Variants in CDC42BPA observed in about 807,000 individuals in gnomAD.
CDC42BPA encodes the protein serine/threonine-protein kinase MRCK alpha.
Under a neutral mutation model 223.5 loss-of-function variants are expected in CDC42BPA, and 80 were observed. The ratio of observed to expected loss-of-function variants is 0.36; its 90% confidence interval spans 0.30 to 0.43. The LOEUF (loss-of-function observed/expected upper bound fraction) is 0.43, where lower values mean the gene tolerates loss of function less well. Among genes scored for constraint, CDC42BPA ranks in the 20% least tolerant of loss-of-function variants. The pLI is 1.00. For synonymous variants in CDC42BPA, 694 were observed against 718.6 expected, an observed-to-expected ratio of 0.97 and a Z score of 0.55; for missense variants, 1,743 against 2,099.9, an observed-to-expected ratio of 0.83 and a Z score of 3.32.
intron 11 of CDC42BPA, among the ~76,000 whole-genome samples, chr1:227,121,046 C>A (rs1455911310): frequency 6.6e-6 from 1 of 152,136 alleles, no homozygotes; most frequent in Non-Finnish European, 1.5e-5. Flanking sequence ...GGAGCTCAGG[C>A]GCTAATGCTC....
At chr1:227,280,622 C>A (rs1687860488) in intron 1 of CDC42BPA, among the ~76,000 whole-genome samples, 1 of 152,192 alleles carries the variant, frequency 6.6e-6, no homozygotes, top group Admixed American at 6.5e-5. Context: ...GATACAGATA[C>A]CACAGTTTGA....
At chr1:227,099,999 T>C (rs1042698838) in intron 15 of CDC42BPA, among the ~76,000 whole-genome samples, 1 of 152,134 alleles carries the variant, frequency 6.6e-6, no homozygotes, top group Non-Finnish European at 1.5e-5. Context: ...ATATGGTAGG[T>C]TAAAAAATAT....
At chr1:227,236,704 C>G (rs1357992499) in intron 2 of CDC42BPA, among the ~76,000 whole-genome samples, 1 of 152,112 alleles carries the variant, frequency 6.6e-6, no homozygotes, top group African/African-American at 2.4e-5. Context: ...CCTGCCCCTA[C>G]AGCCCTACCC....
At chr1:227,141,039 G>A (rs1029820403) in intron 9 of CDC42BPA, among the ~76,000 whole-genome samples, 1 of 152,216 alleles carries the variant, frequency 6.6e-6, no homozygotes, top group African/African-American at 2.4e-5. Context: ...GAAGACAGGA[G>A]AAGGTGGTAT....
chr1:227,303,783 T>C (rs545216543), intron 1 of CDC42BPA, among the ~76,000 whole-genome samples: 1 of 152,202 alleles, frequency 6.6e-6, no homozygotes, highest in Non-Finnish European at 1.5e-5. Flanking sequence ...TAGTCTCTTC[T>C]ACCACTCTTA....
intron 5 of CDC42BPA, among the ~76,000 whole-genome samples, chr1:227,192,808 C>CA (rs11389466): frequency 0.2 from 30,496 of 151,594 alleles, 3,152 homozygotes; most frequent in Middle Eastern, 0.26. Flanking sequence ...CACTTTCATA[C>CA]AAAAAAAATC....
At chr1:227,138,123 T>A (rs1033697735) in intron 10 of CDC42BPA, among the ~76,000 whole-genome samples, 1 of 152,104 alleles carries the variant, frequency 6.6e-6, no homozygotes, top group Non-Finnish European at 1.5e-5. Flanking sequence ...GTCCATTCTA[T>A]TGATGTCTAC....
At chr1:227,305,553 T>C (rs1692393086) in intron 1 of CDC42BPA, among the ~76,000 whole-genome samples, 1 of 152,258 alleles carries the variant, frequency 6.6e-6, no homozygotes, top group Non-Finnish European at 1.5e-5. Flanking sequence ...CCTTTAGATG[T>C]CATTCTTATT....
rs183238687 is a variant in CDC42BPA, at chr1:227,231,418, T to C, written c.271-18199A>G. Among the ~76,000 whole-genome samples the C allele has an allele frequency of 2.4e-3, 360 of 152,240 alleles. 1 individual carries two copies. Among genetic ancestry groups the C allele is most frequent in the Non-Finnish European group, 3.6e-3 (244 of 68,028 alleles). On this transcript the variant is annotated intron_variant, in intron 2 of 36. Coordinates refer to ENST00000366766, the MANE Select transcript of CDC42BPA (RefSeq NM_001394014.1). The stretch of plus-strand genomic sequence containing the variant: ...TTGGGTTGGCTCCAAGTCTTTGCTA[T>C]TGTGAATAGTGCCACAATAAACATA...
chr1:227,315,929 A>G (rs1256273531), intron 1 of CDC42BPA, among the ~76,000 whole-genome samples: 2 of 149,910 alleles, frequency 1.3e-5, no homozygotes, highest in African/African-American at 4.9e-5. Flanking sequence ...TTACCTGAGA[A>G]ACTAACTTTG....
intron 2 of CDC42BPA, among the ~76,000 whole-genome samples, chr1:227,231,262 C>T (rs1432787352): frequency 6.6e-6 from 1 of 151,768 alleles, no homozygotes; most frequent in Non-Finnish European, 1.5e-5. Flanking sequence ...CAATAATTTG[C>T]TCAGAATAAT....
intron 3 of CDC42BPA, among the ~76,000 whole-genome samples, chr1:227,205,508 A>G (rs1672567716): frequency 8.5e-6 from 1 of 117,376 alleles, no homozygotes; most frequent in Admixed American, 9.1e-5. Context: ...CTAATGATCT[A>G]CTTAAGACAG....
intron 1 of CDC42BPA, among the ~76,000 whole-genome samples, chr1:227,309,899 T>C (rs1693215323): frequency 6.6e-6 from 1 of 152,200 alleles, no homozygotes; most frequent in Non-Finnish European, 1.5e-5. Context: ...ACCAACAGCA[T>C]CACTCATGTT....
At chr1:227,041,806 C>T (rs1489192957) in intron 23 of CDC42BPA, among the ~76,000 whole-genome samples, 2 of 152,138 alleles carry the variant, frequency 1.3e-5, no homozygotes, top group Admixed American at 1.3e-4. Context: ...CTAAGTAGAA[C>T]ACAGTCTATC....
chr1:227,042,541 C>G (rs1415696927), intron 23 of CDC42BPA, among the ~76,000 whole-genome samples: 1 of 151,974 alleles, frequency 6.6e-6, no homozygotes, highest in African/African-American at 2.4e-5. Context: ...TATAACATAA[C>G]ATAATTAAAG....
chr1:227,228,909 C>T (rs1019460633), intron 2 of CDC42BPA, among the ~76,000 whole-genome samples: 2 of 152,174 alleles, frequency 1.3e-5, no homozygotes, highest in African/African-American at 4.8e-5. Flanking sequence ...GTTCTTTTAA[C>T]ACAGACACTG....
intron 1 of CDC42BPA, among the ~76,000 whole-genome samples, chr1:227,283,610 G>C (rs1219876063): frequency 6.6e-6 from 1 of 152,048 alleles, no homozygotes; most frequent in Admixed American, 6.5e-5. Context: ...AAAAAAACTC[G>C]AGACTCCAAA....
chr1:227,082,496 C>G (rs762831529), intron 16 of CDC42BPA, among the ~76,000 whole-genome samples: 2 of 151,702 alleles, frequency 1.3e-5, no homozygotes, highest in Non-Finnish European at 2.9e-5. Flanking sequence ...GGGTGGATCA[C>G]GAGGTCAGGA....
chr1:227,041,669 G>A (rs1415852435), intron 23 of CDC42BPA, among the ~76,000 whole-genome samples: 2 of 152,172 alleles, frequency 1.3e-5, no homozygotes, highest in Non-Finnish European at 2.9e-5. Flanking sequence ...ACCAGCATTA[G>A]TCAGAGAATG....
Sources: allele counts gnomAD v4.1 joint callset (sites outside exome capture counted in the v4.1 genomes callset), GRCh38; gene constraint gnomAD v4.1.1; transcripts MANE v1.5; gene names NCBI Gene and HGNC (gene_info 2026-07-23, HGNC 2026-07-21).